The following ENOX1 variants were observed in gnomAD, a reference collection of about 807,000 sequenced individuals.
ENOX1 encodes the protein ecto-NOX disulfide-thiol exchanger 1.
ENOX1 carries 42 observed loss-of-function variants against 82.5 expected under a neutral mutation model. The observed-to-expected ratio is 0.51, with a 90% CI of 0.40 to 0.66. ENOX1 has a LOEUF of 0.66. Ranked by LOEUF, ENOX1 falls within the 30% of genes least tolerant of loss-of-function variation. The pLI is 0.00. For missense variants in ENOX1, 608 were observed against 811.6 expected (o/e 0.75, Z 3.05); for synonymous variants, 271 against 282.2 (o/e 0.96, Z 0.40).
At chr13:43,577,128 AT>A (rs35269534) in intron 2 of ENOX1, among the ~76,000 whole-genome samples, 144,320 of 150,374 alleles carry the variant, frequency 0.96, 69,535 homozygotes, top group South Asian at 1. Context: ...TGATAAAAAT[AT>A]TTTTTTTTTT....
At chr13:43,256,543 G>A (rs2043756344) in intron 14 of ENOX1, among the ~76,000 whole-genome samples, 1 of 151,912 alleles carries the variant, frequency 6.6e-6, no homozygotes. Flanking sequence ...ATGGCCAACA[G>A]TTTTATGGAA....
At chr13:43,345,332 A>G (rs1273625471) in intron 8 of ENOX1, among the ~76,000 whole-genome samples, 3 of 152,240 alleles carry the variant, frequency 2.0e-5, no homozygotes, top group Non-Finnish European at 4.4e-5. Flanking sequence ...CTAATACCAT[A>G]TATTTAATTA....
chr13:43,553,733 A>C (rs2153701068), intron 2 of ENOX1, among the ~76,000 whole-genome samples: 1 of 152,302 alleles, frequency 6.6e-6, no homozygotes, highest in South Asian at 2.1e-4. Flanking sequence ...TATTGTGAGA[A>C]TAAAGTATCT....
intron 3 of ENOX1, among the ~76,000 whole-genome samples, chr13:43,413,747 T>C: frequency 6.9e-6 from 1 of 144,688 alleles, no homozygotes; most frequent in East Asian, 1.9e-4. Context: ...ATATAGTCTT[T>C]TAATGCACTT....
At chr13:43,234,471 G>A (rs1465991) in intron 15 of ENOX1, among the ~76,000 whole-genome samples, 147,189 of 152,302 alleles carry the variant, frequency 0.97, 71,332 homozygotes, top group East Asian at 1. Context: ...CTACCTAAAT[G>A]TTCTCATATA....
chr13:43,305,023 C>G (rs567985456), intron 11 of ENOX1, among the ~76,000 whole-genome samples: 2 of 152,132 alleles, frequency 1.3e-5, no homozygotes, highest in Non-Finnish European at 2.9e-5. Flanking sequence ...TTTGCTTGGG[C>G]TAATGAAGGC....
intron 16 of ENOX1, 35 bp downstream of exon 16, chr13:43,224,018 G>A: frequency 6.5e-7 from 1 of 1,536,526 alleles, no homozygotes; most frequent in Non-Finnish European, 9.0e-7. Context: ...TGCTAAATTT[G>A]AGCAACGAAA....
chr13:43,320,761 T>C (rs865888790), intron 11 of ENOX1, among the ~76,000 whole-genome samples: 1 of 152,000 alleles, frequency 6.6e-6, no homozygotes, highest in African/African-American at 2.4e-5. Flanking sequence ...CCAAGTTTCA[T>C]GTCAACTTGC....
intron 2 of ENOX1, among the ~76,000 whole-genome samples, chr13:43,607,779 G>T (rs2082037762): frequency 6.6e-6 from 1 of 152,210 alleles, no homozygotes; most frequent in African/African-American, 2.4e-5. Context: ...TCTAATGCAT[G>T]ATGCTGATTC....
At chr13:43,402,305 A>G (rs916049062) in intron 5 of ENOX1, among the ~76,000 whole-genome samples, 1 of 152,250 alleles carries the variant, frequency 6.6e-6, no homozygotes, top group East Asian at 1.9e-4. Flanking sequence ...GTTACTCTTC[A>G]TATCTAACTG....
intron 11 of ENOX1, among the ~76,000 whole-genome samples, chr13:43,303,562 C>A (rs1222385988): frequency 1.3e-5 from 2 of 152,166 alleles, no homozygotes; most frequent in Admixed American, 1.3e-4. Flanking sequence ...TGCACAGTCC[C>A]TCAGTCTCTG....
In ENOX1 at chr13:43,366,646, T is replaced by C. The variant is rs552343885; in HGVS notation, c.209-5194A>G. ...GGGGAAGGAGAACATGAATACTAGA[T>C]AGACATACTGGTCTTCATGGTCATC... is the stretch of plus-strand genomic sequence containing the variant. On this transcript the variant is annotated intron_variant, in intron 5 of 16. Coordinates refer to ENST00000690772, the MANE Select transcript of ENOX1 (RefSeq NM_001347969.2). Among the ~76,000 whole-genome samples the C allele has an allele frequency of 1.4e-4, 21 of 152,144 alleles. No individual in the cohort carries two copies. The South Asian group carries it at 4.1e-3, about 30-fold the overall frequency.
intron 3 of ENOX1, among the ~76,000 whole-genome samples, chr13:43,441,841 C>T (rs999547400): frequency 8.8e-5 from 13 of 147,980 alleles, no homozygotes; most frequent in Non-Finnish European, 1.8e-4. Flanking sequence ...AGAAAGAACA[C>T]TTTTTTTTTT....
intron 2 of ENOX1, among the ~76,000 whole-genome samples, chr13:43,562,822 T>C (rs1334603318): frequency 6.6e-6 from 1 of 152,090 alleles, no homozygotes; most frequent in South Asian, 2.1e-4. Flanking sequence ...TAATAATCTA[T>C]GGGTCAATTC....
chr13:43,729,480 A>T (rs1413400255), intron 1 of ENOX1, among the ~76,000 whole-genome samples: 1 of 152,208 alleles, frequency 6.6e-6, no homozygotes. Context: ...TCTTAACAGT[A>T]ACCCACCAAG....
chr13:43,736,634 C>G (rs527737499), intron 1 of ENOX1, among the ~76,000 whole-genome samples: 1 of 152,136 alleles, frequency 6.6e-6, no homozygotes, highest in South Asian at 2.1e-4. Context: ...CGCAGTATGG[C>G]CCTCTAGACC....
intron 13 of ENOX1, among the ~76,000 whole-genome samples, chr13:43,265,844 G>A (rs996139347): frequency 1.3e-5 from 2 of 152,162 alleles, no homozygotes; most frequent in East Asian, 3.8e-4. Context: ...TTATATTAAC[G>A]ATTATTCGTG....
intron 1 of ENOX1, among the ~76,000 whole-genome samples, chr13:43,733,922 G>A (rs1389357383): frequency 1.3e-5 from 2 of 152,074 alleles, no homozygotes; most frequent in East Asian, 1.9e-4. Flanking sequence ...CTGTGCCACT[G>A]CAATACAGCC....
chr13:43,220,919 G>A (rs1307228995), intron 16 of ENOX1, among the ~76,000 whole-genome samples: 1 of 152,154 alleles, frequency 6.6e-6, no homozygotes, highest in African/African-American at 2.4e-5. Context: ...GTCTGGGAAA[G>A]AATGCTATCC....
Sources: allele counts gnomAD v4.1 joint callset (sites outside exome capture counted in the v4.1 genomes callset), GRCh38; gene constraint gnomAD v4.1.1; transcripts MANE v1.5; gene names NCBI Gene and HGNC (gene_info 2026-07-23, HGNC 2026-07-21).